USP22: variants seen among roughly 807,000 people sequenced by gnomAD.
USP22 encodes ubiquitin carboxyl-terminal hydrolase 22.
A neutral mutation model predicts 68.1 loss-of-function variants in USP22; 22 were observed. The observed-to-expected ratio is 0.32, with a 90% CI of 0.23 to 0.46. USP22 has a LOEUF of 0.46. Ranked by LOEUF, USP22 falls within the 20% of genes least tolerant of loss-of-function variation. The probability of loss-of-function intolerance (pLI) is 1.00; values close to 1 mark genes in which losing one functional copy is unlikely to be tolerated. For missense variants in USP22, 433 were observed against 695.8 expected (o/e 0.62, Z 4.25); for synonymous variants, 279 against 274.2 (o/e 1.02, Z -0.17).
intron 2 of USP22, among the ~76,000 whole-genome samples, chr17:21,021,445 T>TA (rs1449621099): frequency 6.6e-6 from 1 of 152,130 alleles, no homozygotes; most frequent in Non-Finnish European, 1.5e-5. Flanking sequence ...TGAGGTGTCT[T>TA]AAAAAACAGA....
intron 2 of USP22, among the ~76,000 whole-genome samples, chr17:21,024,386 C>A (rs544667080): frequency 6.6e-6 from 1 of 152,312 alleles, no homozygotes; most frequent in East Asian, 1.9e-4. Flanking sequence ...GACGCCTTCA[C>A]ACTGCAACGC....
At position 21,007,880 on chromosome 17, in the gene USP22, A is replaced by T. The variant is rs759918716; in HGVS notation, c.1220T>A (p.Phe407Tyr). The T allele has an allele frequency of 6.2e-7, 1 of 1,614,178 alleles. No individual in the cohort carries two copies. The highest frequency in any genetic ancestry group is 8.5e-7 in the Non-Finnish European group (1 of 1,180,040). ...TTCTGGAAAACTTACTTTGAGATGA[A>T]AACAGGCTACGATGGGCAGTTTCTT... ...TMKKLPIVAC[F>Y]HLKRFEHSAK... The change falls in exon 9 of 13, where the codon TTT (phenylalanine) becomes TAT (tyrosine). Residue 407 changes from phenylalanine (F) to tyrosine (Y), a missense_variant. Transcript: ENST00000261497.
intron 1 of USP22, among the ~76,000 whole-genome samples, chr17:21,035,857 A>T (rs1972346800): frequency 6.6e-6 from 1 of 151,614 alleles, no homozygotes; most frequent in African/African-American, 2.4e-5. Flanking sequence ...AGTGAAACCC[A>T]GTCTCTACTA....
intron 3 of USP22, among the ~76,000 whole-genome samples, chr17:21,020,048 C>T (rs888263245): frequency 6.6e-6 from 1 of 152,098 alleles, no homozygotes; most frequent in African/African-American, 2.4e-5. Flanking sequence ...CTTCTCAAAA[C>T]ACTGGGGTGT....
intron 6 of USP22, among the ~76,000 whole-genome samples, chr17:21,013,898 C>G (rs964493359): frequency 1.3e-5 from 2 of 152,202 alleles, no homozygotes; most frequent in Non-Finnish European, 2.9e-5. Flanking sequence ...CACGGTGAAA[C>G]CCCGTCTCTA....
In USP22 at chr17:21,016,306, C is replaced by T. The variant is rs114949235; in HGVS notation, c.691-407G>A. On this transcript the variant is annotated intron_variant, in intron 5 of 12. Coordinates refer to ENST00000261497, the MANE Select transcript of USP22 (RefSeq NM_015276.2). ...GTGATTATGCAGAATTCACCAGCAT[C>T]AGCCACAGGATTCTCTGCCTCTGAG... 5.8e-3 allele frequency among the ~76,000 whole-genome samples: 889 copies of T among 152,344 alleles called. 9 individuals carry two copies. The highest frequency in any genetic ancestry group is 0.02 in the African/African-American group (832 of 41,568).
intron 1 of USP22, among the ~76,000 whole-genome samples, chr17:21,035,515 C>CA (rs397713970): frequency 0.58 from 85,758 of 147,204 alleles, 24,993 homozygotes; most frequent in Middle Eastern, 0.63. Flanking sequence ...GGAAATAGGA[C>CA]AAAAAAAAAA....
intron 1 of USP22, among the ~76,000 whole-genome samples, chr17:21,035,881 A>G (rs1341593520): frequency 6.6e-6 from 1 of 151,852 alleles, no homozygotes; most frequent in Non-Finnish European, 1.5e-5. Flanking sequence ...ATACAAAAAA[A>G]TTAGCTGGGC....
chr17:21,040,478 A>G (rs113717251), intron 1 of USP22, among the ~76,000 whole-genome samples: 22 of 152,222 alleles, frequency 1.4e-4, no homozygotes, highest in African/African-American at 5.1e-4. Flanking sequence ...TTTGAAAGAA[A>G]TATTTTTCAC....
intron 6 of USP22, among the ~76,000 whole-genome samples, chr17:21,014,052 G>A (rs575120186): frequency 6.6e-6 from 1 of 152,308 alleles, no homozygotes; most frequent in South Asian, 2.1e-4. Flanking sequence ...CCAGCCTGGC[G>A]ACAGAGCGAG....
intron 1 of USP22, among the ~76,000 whole-genome samples, chr17:21,036,296 C>T: frequency 6.6e-6 from 1 of 152,048 alleles, no homozygotes; most frequent in East Asian, 1.9e-4. Context: ...TCAAAATCCA[C>T]TGAGCTTTAA....
At chr17:21,041,580 A>C (rs1426730023) in intron 1 of USP22, among the ~76,000 whole-genome samples, 1 of 152,228 alleles carries the variant, frequency 6.6e-6, no homozygotes, top group Non-Finnish European at 1.5e-5. Flanking sequence ...CCTGGGGTAC[A>C]AAGCGAGACT....
chr17:21,027,786 A>G (rs1972240779), intron 2 of USP22, among the ~76,000 whole-genome samples: 1 of 152,184 alleles, frequency 6.6e-6, no homozygotes, highest in Non-Finnish European at 1.5e-5. Context: ...CCTGGCCAAC[A>G]TAGTGAAACC....
chr17:21,004,869 G>C, intron 11 of USP22, 59 bp downstream of exon 11: 1 of 1,594,694 alleles, frequency 6.3e-7, no homozygotes, highest in Non-Finnish European at 8.6e-7. Context: ...GCAGACAGGA[G>C]CCCACCCCCA....
intron 4 of USP22, 28 bp from the exon 5 acceptor site, chr17:21,018,139 G>A (rs760129555): frequency 7.8e-6 from 12 of 1,541,760 alleles, no homozygotes; most frequent in Non-Finnish European, 1.0e-5. Context: ...GAGAGCAGGA[G>A]TTACCTGTGT....
intron 2 of USP22, among the ~76,000 whole-genome samples, chr17:21,023,644 C>CAAA (rs57776078): frequency 4.7e-5 from 5 of 106,962 alleles, no homozygotes; most frequent in African/African-American, 7.2e-5. Context: ...GACTATGTCT[C>CAAA]AAAAAAAAAA....
intron 10 of USP22, 195 bp from the exon 11 acceptor site, chr17:21,005,185 A>G: frequency 1.5e-6 from 1 of 663,340 alleles, no homozygotes; most frequent in Non-Finnish European, 2.5e-6. Flanking sequence ...CCTGCCTCAG[A>G]GCACACCTGG....
chr17:21,031,104 TGTA>T (rs1423778852), intron 1 of USP22, among the ~76,000 whole-genome samples: 2 of 152,230 alleles, frequency 1.3e-5, no homozygotes, highest in African/African-American at 2.4e-5. Context: ...TGCTATTTGT[TGTA>T]GGTTTCTTAT....
At chr17:21,040,050 C>T (rs557263136) in intron 1 of USP22, among the ~76,000 whole-genome samples, 4 of 152,254 alleles carry the variant, frequency 2.6e-5, no homozygotes, top group Admixed American at 2.6e-4. Context: ...ATTAGCCGGT[C>T]GTGGTGACAC....
Sources: gnomAD v4.1 joint callset for allele counts (sites outside exome capture counted in the v4.1 genomes callset) on GRCh38, gnomAD v4.1.1 for gene constraint, MANE v1.5 for transcripts, NCBI Gene and HGNC (gene_info 2026-07-23, HGNC 2026-07-21) for gene names.